The following ZBTB40 variants were observed in gnomAD, a reference collection of about 807,000 sequenced individuals.
ZBTB40 encodes the protein zinc finger and BTB domain containing 40, also known as zinc finger and BTB domain-containing protein 40.
In ZBTB40, 60 loss-of-function variants were observed where a neutral mutation model predicts 117.5. The observed-to-expected ratio is 0.51, with a 90% CI of 0.41 to 0.63. The LOEUF (loss-of-function observed/expected upper bound fraction) is 0.63. Among genes scored for constraint, ZBTB40 ranks in the 30% least tolerant of loss-of-function variants. The probability of loss-of-function intolerance (pLI) is 0.00; values close to 1 mark genes in which losing one functional copy is unlikely to be tolerated. For synonymous variants in ZBTB40, 525 were observed against 577.1 expected, an observed-to-expected ratio of 0.91 and a Z score of 1.29; for missense variants, 1,287 against 1,498.5, an observed-to-expected ratio of 0.86 and a Z score of 2.33.
intron 12 of ZBTB40, among the ~76,000 whole-genome samples, chr1:22,514,603 T>G (rs908915404): frequency 6.6e-6 from 1 of 152,242 alleles, no homozygotes; most frequent in Admixed American, 6.5e-5. Flanking sequence ...CTTTGAGACC[T>G]TACTCACACT....
At chr1:22,491,853 A>G (rs77888427) in intron 3 of ZBTB40, among the ~76,000 whole-genome samples, 4,190 of 152,236 alleles carry the variant, frequency 0.028, 99 homozygotes, top group Middle Eastern at 0.075. Flanking sequence ...ATAACCTCAA[A>G]CCTGAGACTT....
intron 1 of ZBTB40, 132 bp from the exon 2 acceptor site, chr1:22,489,748 C>T (rs980507767): frequency 3.1e-6 from 2 of 639,660 alleles, no homozygotes; most frequent in Non-Finnish European, 5.6e-6. Context: ...ACCTGGCATA[C>T]TGTCCCTTCC....
chr1:22,522,587 T>C (rs1473000030), intron 16 of ZBTB40, 124 bp downstream of exon 16: 1 of 936,124 alleles, frequency 1.1e-6, no homozygotes, highest in Non-Finnish European at 1.7e-6. Flanking sequence ...TCTTCATCTA[T>C]AAAATGGGAA....
At chr1:22,512,787 T>A (rs1639276781) in intron 11 of ZBTB40, 137 bp from the exon 12 acceptor site, 3 of 947,170 alleles carry the variant, frequency 3.2e-6, no homozygotes, top group East Asian at 2.6e-5. Context: ...GGTACCAGCG[T>A]GGCCTGGCAC....
In ZBTB40 at chr1:22,490,541, G is replaced by A. The variant is rs1553134202; in HGVS notation, c.593G>A (p.Arg198Lys). 5.0e-6 allele frequency: 8 copies of A among 1,612,780 alleles called. No individual in the cohort carries two copies. The highest frequency in any genetic ancestry group is 5.9e-6 in the Non-Finnish European group (7 of 1,179,298). ...TCTCCCACAGCCCAGGAGAGCCAGA[G>A]GAATGCAGAAACCCCAGCGGAGACT... ...VNSPTAQESQ[R>K]NAETPAETPT... The change falls in exon 2 of 18, where the codon AGG becomes AAG. Residue 198 changes from arginine (R) to lysine (K), a missense_variant. Around this residue, in one of 2 missense-constraint regions of ZBTB40, gnomAD observed 870 missense variants for 934.4 expected, o/e 0.93. Coordinates refer to ENST00000375647, the MANE Select transcript of ZBTB40 (RefSeq NM_014870.4).
chr1:22,519,750 C>A (rs1639469235), intron 13 of ZBTB40: 1 of 393,334 alleles, frequency 2.5e-6, no homozygotes, highest in Non-Finnish European at 4.8e-6. Context: ...GGGTGAAACT[C>A]CCTGGAAAGT....
Position 22,513,993 on chromosome 1 carries a change from G to T in ZBTB40, c.2668+863G>T, listed in dbSNP as rs1375965892. Among the ~76,000 whole-genome samples the T allele has an allele frequency of 2.6e-5, 4 of 152,360 alleles. No homozygotes were observed. In the East Asian group the frequency reaches 7.7e-4, roughly 29 times the overall value. On this transcript the variant is annotated intron_variant, in intron 12 of 17. Transcript: ENST00000375647. This position sits in a 1 kb window ranked among gnomAD's most constrained non-coding sequence, Gnocchi z 4.9. ...CGTGGATCAGACAGTGGCAGATGCCGAGTGGCTGAGCTGGGATTCCTGTGT... is the reference window on the plus strand; with the variant it reads ...CGTGGATCAGACAGTGGCAGATGCCTAGTGGCTGAGCTGGGATTCCTGTGT...
intron 3 of ZBTB40, among the ~76,000 whole-genome samples, chr1:22,496,073 C>T (rs1381515184): frequency 1.3e-5 from 2 of 152,168 alleles, no homozygotes; most frequent in Admixed American, 6.5e-5. Context: ...TGCTATAGAT[C>T]GAGAACAGCA....
In ZBTB40 at chr1:22,490,508, G is replaced by A; in HGVS notation, c.560G>A (p.Ser187Asn). 1.2e-6 allele frequency: 2 copies of A among 1,605,588 alleles called. No individual in the cohort carries two copies. Among genetic ancestry groups the A allele is most frequent in the Non-Finnish European group, 8.5e-7 (1 of 1,175,758 alleles). The change falls in exon 2 of 18, where the codon AGT becomes AAT. Residue 187 changes from serine (S) to asparagine (N), a missense_variant. Ser to Asn is a conservative substitution (Grantham distance 46, BLOSUM62 1). Transcript: ENST00000375647. ...EAAHSVSQEM[S>N]VNSPTAQESQ... ...GCCCATTCAGTTTCACAAGAGATGA[G>A]TGTGAATTCTCCCACAGCCCAGGAG... is the stretch of plus-strand genomic sequence containing the variant.
chr1:22,526,087 C>G, intron 17 of ZBTB40, 115 bp from the exon 18 acceptor site: 1 of 1,254,656 alleles, frequency 8.0e-7, no homozygotes, highest in Non-Finnish European at 1.1e-6. Context: ...CATGTAAGTG[C>G]TCTCCTCAGG....
rs1008924473 is a variant in ZBTB40 at position 22,509,287 on chromosome 1, G to A, written c.1833+54G>A. 25 of 1,611,730 alleles carry A rather than the reference G, an allele frequency of 1.6e-5. No individual in the cohort carries two copies. The African/African-American group carries it at 3.1e-4, about 20-fold the overall frequency. ...AGAGAGTTTTACAGTTGTTGCCTGG[G>A]ACTGTCTTCATTCCTAAGAGAGGAA... On this transcript the variant is annotated intron_variant, in intron 9 of 17. Coordinates refer to ENST00000375647, the MANE Select transcript of ZBTB40 (RefSeq NM_014870.4).
intron 1 of ZBTB40, among the ~76,000 whole-genome samples, chr1:22,470,036 C>T (rs918983464): frequency 1.3e-5 from 2 of 152,194 alleles, no homozygotes; most frequent in South Asian, 2.1e-4. Flanking sequence ...ATGTGAGATG[C>T]ATGGAAGCCC....
chr1:22,491,326 C>T, intron 2 of ZBTB40, 74 bp from the exon 3 acceptor site: 1 of 1,540,332 alleles, frequency 6.5e-7, no homozygotes, highest in South Asian at 1.1e-5. Flanking sequence ...TGAAGGTGCT[C>T]AGACAGCTTA....
At chr1:22,456,355 T>G (rs1486070835) in intron 1 of ZBTB40, among the ~76,000 whole-genome samples, 1 of 152,152 alleles carries the variant, frequency 6.6e-6, no homozygotes, top group East Asian at 1.9e-4. Flanking sequence ...ATCCTCAAAA[T>G]TATGATGCCA....
chr1:22,489,931 T>C lies in ZBTB40; in HGVS notation c.-18T>C. The C allele has an allele frequency of 1.2e-6, 2 of 1,607,490 alleles. No homozygotes were observed. Among genetic ancestry groups the C allele is most frequent in the Non-Finnish European group, 1.7e-6 (2 of 1,179,674 alleles). On this transcript the variant is annotated 5_prime_UTR_variant, in exon 2 of 18. Transcript: ENST00000375647. ...AGGAGAGGAGAGGAAGAGCAGTTCT[T>C]GGGGCAGAGTTGACGCAATGGAGCT...
Position 22,490,130 on chromosome 1 carries a change from T to C in ZBTB40, c.182T>C (p.Ile61Thr). The C allele has an allele frequency of 6.2e-7, 1 of 1,614,198 alleles. No individual in the cohort carries two copies. Among genetic ancestry groups the C allele is most frequent in the Non-Finnish European group, 8.5e-7 (1 of 1,180,042 alleles). Residue 61 changes from isoleucine to threonine, a missense_variant, in exon 2 of 18, where the codon ATC becomes ACC. Physicochemically the swap from Ile to Thr is moderately conservative, Grantham distance 89. This residue lies in a region of ZBTB40 where 870 missense variants were observed against 934.4 expected (regional missense o/e 0.93). Transcript: ENST00000375647. The part of the protein sequence containing the change: ...TLLDNTDTIS[I>T]DASVVSPEEF... ...CTGGATAACACAGATACCATCTCCA[T>C]CGATGCATCTGTGGTGAGCCCCGAG...
intron 1 of ZBTB40, among the ~76,000 whole-genome samples, chr1:22,478,884 T>C (rs1163209685): frequency 6.6e-6 from 1 of 152,210 alleles, no homozygotes. Flanking sequence ...TGACCCAAAA[T>C]AAGATGTAGA....
chr1:22,468,603 C>G lies in ZBTB40; in HGVS notation c.-70+16599C>G, dbSNP rs562526221. 3.6e-4 allele frequency among the ~76,000 whole-genome samples: 44 copies of G among 122,522 alleles called. No homozygotes were observed. The South Asian group carries it at 6.0e-3, about 17-fold the overall frequency. 80.4% of individuals were successfully genotyped at this position (122,522 alleles called of 152,430 possible). A position where few individuals can be genotyped will look rare whatever the true frequency, so the allele number is the denominator to read the frequency against. On this transcript the variant is annotated intron_variant, in intron 1 of 17. Transcript: ENST00000375647. ...TGATCCTCCTCCCTCAGCCTTCCAACTAGCTGGGAGTATAGGCATGTGCCA... is the reference window on the plus strand; with the variant it reads ...TGATCCTCCTCCCTCAGCCTTCCAAGTAGCTGGGAGTATAGGCATGTGCCA...
At chr1:22,429,295 T>C (rs552931802) in intron 1 of ZBTB40, among the ~76,000 whole-genome samples, 2 of 151,716 alleles carry the variant, frequency 1.3e-5, no homozygotes. Context: ...GGCAGGAGAA[T>C]GGCTGAACCC....
Sources: allele counts gnomAD v4.1 joint callset (sites outside exome capture counted in the v4.1 genomes callset), GRCh38; gene constraint gnomAD v4.1.1; regional missense constraint gnomAD v4.1.1; non-coding constraint Gnocchi (gnomAD v3.1); transcripts MANE v1.5; gene names NCBI Gene and HGNC (gene_info 2026-07-23, HGNC 2026-07-21).